The following UNC79 variants were observed in gnomAD, a reference collection of about 807,000 sequenced individuals.
UNC79 encodes unc-79 subunit of NALCN channel complex.
Under a neutral mutation model 283.1 loss-of-function variants are expected in UNC79, and 37 were observed. The ratio of observed to expected loss-of-function variants is 0.13; its 90% CI spans 0.10 to 0.17. The LOEUF is 0.17. Among genes scored for constraint, UNC79 ranks in the 10% least tolerant of loss-of-function variants. The probability of loss-of-function intolerance (pLI) is 1.00; values close to 1 mark genes in which losing one functional copy is unlikely to be tolerated. For missense variants in UNC79, 2,272 were observed against 3,211.1 expected (o/e 0.71, Z 7.07); for synonymous variants, 1,107 against 1,200.2 (o/e 0.92, Z 1.61).
At chr14:93,437,692 C>T (rs2056140569) in intron 1 of UNC79, among the ~76,000 whole-genome samples, 1 of 152,176 alleles carries the variant, frequency 6.6e-6, no homozygotes, top group African/African-American at 2.4e-5. Context: ...AGGGAAAAAT[C>T]TCCCTTCCTT....
chr14:93,706,718 A>G, exon 49 of UNC79: 2 of 1,614,032 alleles, frequency 1.2e-6, no homozygotes, highest in Non-Finnish European at 1.7e-6. Flanking sequence ...TATCTGCGGG[A>G]CTCCAGCTTC....
At chr14:93,379,371 T>C (rs1055068153) in intron 1 of UNC79, among the ~76,000 whole-genome samples, 1 of 152,216 alleles carries the variant, frequency 6.6e-6, no homozygotes, top group Admixed American at 6.5e-5. Context: ...TAAGCAGGAT[T>C]TGGTAAATAT....
At chr14:93,637,243 G>A in exon 32 of UNC79, 4 of 1,492,746 alleles carry the variant, frequency 2.7e-6, no homozygotes, top group Non-Finnish European at 3.7e-6. Flanking sequence ...AAACGCCAGT[G>A]TAACGTGCCA....
rs2139846100 is a variant in UNC79 at position 93,617,052 on chromosome 14, A to G, written c.4042-70A>G. On this transcript the variant is annotated intron_variant, in intron 27 of 48. Transcript: ENST00000555664. This position sits in a 1 kb window ranked among gnomAD's most constrained non-coding sequence, Gnocchi z 4.5. ...AAATTTTAACCACTGGGATGGCTCA[A>G]ATTTTTCCTTTTGACCTCTGAGTGT... The G allele has an allele frequency of 2.8e-6, 4 of 1,446,686 alleles. No homozygotes were observed. Among genetic ancestry groups the G allele is most frequent in the South Asian group, 1.5e-5 (1 of 67,062 alleles). 89.6% of individuals were successfully genotyped at this position (1,446,686 alleles called of 1,614,324 possible).
intron 1 of UNC79, among the ~76,000 whole-genome samples, chr14:93,335,544 G>A (rs1289364709): frequency 2.6e-5 from 4 of 152,212 alleles, no homozygotes; most frequent in African/African-American, 9.7e-5. Context: ...TCTAGAATCA[G>A]ATAGATCTGG....
chr14:93,491,835 A>C (rs982606352), intron 5 of UNC79, among the ~76,000 whole-genome samples: 2 of 152,146 alleles, frequency 1.3e-5, no homozygotes, highest in Admixed American at 6.6e-5. Flanking sequence ...TCATTTGTTC[A>C]TGAGGAAATG....
chr14:93,546,105 T>C (rs4905079), intron 14 of UNC79, among the ~76,000 whole-genome samples: 131,584 of 152,198 alleles, frequency 0.86, 56,977 homozygotes, highest in East Asian at 0.94. Flanking sequence ...TTAGGTTCTA[T>C]CATAGTGATG....
chr14:93,467,912 C>G (rs1351317116), intron 2 of UNC79, 121 bp downstream of exon 2: 6 of 1,218,498 alleles, frequency 4.9e-6, no homozygotes, highest in Non-Finnish European at 6.4e-6. Flanking sequence ...AGTGCTCTGT[C>G]AGAAGAGTCT....
At chr14:93,562,731 T>C (rs1382763556) in intron 14 of UNC79, among the ~76,000 whole-genome samples, 1 of 152,200 alleles carries the variant, frequency 6.6e-6, no homozygotes, top group Non-Finnish European at 1.5e-5. Flanking sequence ...CGAGGAATTA[T>C]GTCTGACAGA....
chr14:93,665,428 A>C (rs1319266254), intron 40 of UNC79, among the ~76,000 whole-genome samples: 2 of 151,888 alleles, frequency 1.3e-5, no homozygotes, highest in African/African-American at 2.4e-5. Context: ...TATAAAGAGA[A>C]ATTCTAACAG....
intron 39 of UNC79, 58 bp from the exon 43 acceptor site, chr14:93,662,546 C>G (rs1000321582): frequency 8.3e-6 from 10 of 1,199,626 alleles, no homozygotes; most frequent in Non-Finnish European, 1.2e-5. Context: ...GATTTTAATA[C>G]TTTTTTTGAA....
At chr14:93,495,697 T>C (rs2058985897) in intron 5 of UNC79, among the ~76,000 whole-genome samples, 1 of 152,170 alleles carries the variant, frequency 6.6e-6, no homozygotes, top group Non-Finnish European at 1.5e-5. Flanking sequence ...GTCCATTGGA[T>C]TGAAGGACAC....
upstream of UNC79, among the ~76,000 whole-genome samples, chr14:93,428,068 T>A (rs1442495100): frequency 6.6e-6 from 1 of 152,188 alleles, no homozygotes; most frequent in African/African-American, 2.4e-5. Context: ...ATGCTGGCAT[T>A]AGTCACCAAG....
intron 1 of UNC79, among the ~76,000 whole-genome samples, chr14:93,380,590 G>A (rs2054646309): frequency 6.6e-6 from 1 of 152,158 alleles, no homozygotes; most frequent in African/African-American, 2.4e-5. Flanking sequence ...TTGAACTTTT[G>A]CAGTAAGAGC....
At chr14:93,640,883 C>T (rs1343634551) in intron 32 of UNC79, among the ~76,000 whole-genome samples, 1 of 152,156 alleles carries the variant, frequency 6.6e-6, no homozygotes, top group Non-Finnish European at 1.5e-5. Flanking sequence ...CCTGCTGGCA[C>T]ACCTGAGCTC....
intron 1 of UNC79, among the ~76,000 whole-genome samples, chr14:93,410,983 G>C (rs2055324282): frequency 6.6e-6 from 1 of 152,068 alleles, no homozygotes; most frequent in African/African-American, 2.4e-5. Context: ...AGCCACAGGG[G>C]AATAGAGCAC....
chr14:93,613,447 G>A lies in UNC79; in HGVS notation c.4041+364G>A, dbSNP rs181707572. On this transcript the variant is annotated intron_variant, in intron 27 of 48. Coordinates refer to ENST00000555664, the Ensembl canonical transcript of UNC79. ...TTTTTTTTTTTTGAGATGGAGTCTCGCTCTGTTGCCCAGGCTGGAGTGCAG... is the reference window on the plus strand; with the variant it reads ...TTTTTTTTTTTTGAGATGGAGTCTCACTCTGTTGCCCAGGCTGGAGTGCAG... 4.8e-3 allele frequency among the ~76,000 whole-genome samples: 716 copies of A among 149,988 alleles called. 17 individuals are homozygous for A. The highest frequency in any genetic ancestry group is 0.038 in the Admixed American group (578 of 15,044).
At chr14:93,689,205 A>G (rs1253928303) in intron 44 of UNC79, 10 of 216,738 alleles carry the variant, frequency 4.6e-5, no homozygotes, top group African/African-American at 4.6e-5. Context: ...AACAAAAGCT[A>G]TAACAGGGAT....
intron 1 of UNC79, among the ~76,000 whole-genome samples, chr14:93,366,142 A>G (rs1226800102): frequency 2.0e-5 from 3 of 152,198 alleles, no homozygotes; most frequent in African/African-American, 7.2e-5. Flanking sequence ...CCAAAGTAAC[A>G]TTTAGGTGGG....
Sources: allele counts gnomAD v4.1 joint callset (sites outside exome capture counted in the v4.1 genomes callset), GRCh38; gene constraint gnomAD v4.1.1; non-coding constraint Gnocchi (gnomAD v3.1); transcripts MANE v1.5; gene names NCBI Gene and HGNC (gene_info 2026-07-23, HGNC 2026-07-21).